The following CACNA2D4 variants were observed in gnomAD, a reference collection of about 807,000 sequenced individuals.
CACNA2D4 encodes voltage-dependent calcium channel subunit alpha-2/delta-4.
A neutral mutation model predicts 163.8 loss-of-function variants in CACNA2D4; 157 were observed. The observed-to-expected ratio is 0.96, with a 90% CI of 0.84 to 1.09. The LOEUF is 1.09. Ranked by LOEUF, CACNA2D4 falls within the 50% of genes least tolerant of loss-of-function variation. The pLI, the probability that CACNA2D4 is intolerant of heterozygous loss-of-function variation, is 0.00. For synonymous variants in CACNA2D4, 598 were observed against 586.9 expected, an observed-to-expected ratio of 1.02 and a Z score of -0.27; for missense variants, 1,410 against 1,479.9, an observed-to-expected ratio of 0.95 and a Z score of 0.78.
intron 4 of CACNA2D4, among the ~76,000 whole-genome samples, chr12:1,909,046 C>T (rs1866747255): frequency 6.6e-6 from 1 of 152,214 alleles, no homozygotes; most frequent in Non-Finnish European, 1.5e-5. Flanking sequence ...CTGAGAAAGG[C>T]TCAGGCTCCT....
chr12:1,907,234 A>G (rs1866681119), intron 6 of CACNA2D4, among the ~76,000 whole-genome samples: 1 of 152,192 alleles, frequency 6.6e-6, no homozygotes, highest in Admixed American at 6.5e-5. Context: ...GGTTTCATTC[A>G]TTCATTCATT....
At position 1,810,282 on chromosome 12, in the gene CACNA2D4, C is replaced by T. The variant is rs189066664; in HGVS notation, c.2717G>A (p.Arg906Gln). The change falls in exon 29 of 38, where the codon CGA becomes CAA. Residue 906 changes from arginine (R) to glutamine (Q), a missense_variant. Arg to Gln is a conservative substitution (Grantham distance 43). Transcript: ENST00000382722. ...TCTATATCCCCAGTGACTCACCTCT[C>T]GGGACCTCTTGGAGATCAGAATGAA... ...NGFILISKRS[R>Q]ETGRFLGEVD... The T allele has an allele frequency of 2.4e-5, 39 of 1,612,786 alleles. No homozygotes were observed. Among genetic ancestry groups the T allele is most frequent in the Admixed American group, 2.0e-4 (12 of 60,000 alleles).
chr12:1,868,415 C>A (rs1340872151), intron 18 of CACNA2D4, among the ~76,000 whole-genome samples: 1 of 151,676 alleles, frequency 6.6e-6, no homozygotes, highest in Non-Finnish European at 1.5e-5. Flanking sequence ...AAATGGAATA[C>A]ATAGAAACAG....
At chr12:1,915,817 T>C (rs1592755938) in intron 1 of CACNA2D4, among the ~76,000 whole-genome samples, 1 of 152,096 alleles carries the variant, frequency 6.6e-6, no homozygotes, top group African/African-American at 2.4e-5. Flanking sequence ...GGAGCGGAAG[T>C]GGTTTGCCTG....
rs767271468 is a variant in CACNA2D4 at position 1,831,318 on chromosome 12, G to C, written c.2551+9421C>G. 4 of 1,613,756 alleles carry C rather than the reference G, an allele frequency of 2.5e-6. No homozygotes were observed. In the South Asian group the frequency reaches 4.4e-5, roughly 18 times the overall value. ...CCGCCACCTGGACCTGTCCATCAAC[G>C]GCCTGGCCCAGTTGCCCCCTGGTCT... On this transcript the variant is annotated intron_variant, in intron 26 of 37. Transcript: ENST00000382722.
At chr12:1,851,377 G>A (rs938800897) in intron 23 of CACNA2D4, among the ~76,000 whole-genome samples, 13 of 152,206 alleles carry the variant, frequency 8.5e-5, no homozygotes, top group African/African-American at 2.9e-4. Flanking sequence ...GGTGTATGGT[G>A]TGAGAAAAGA....
Position 1,834,839 on chromosome 12 carries a change from C to T in CACNA2D4, c.2551+5900G>A, listed in dbSNP as rs1027183972. 131 of 1,432,438 alleles carry T rather than the reference C, an allele frequency of 9.1e-5. No homozygotes were observed. The highest frequency in any genetic ancestry group is 1.9e-4 in the Admixed American group (7 of 36,098). 88.7% of individuals were successfully genotyped at this position (1,432,438 alleles called of 1,614,324 possible). A position where few individuals can be genotyped will look rare whatever the true frequency, so the allele number is the denominator to read the frequency against. ...GCCTCCCCGAGTCCACCCTCCTCCC[C>T]GCCCTCCAGCAGACAAGCCACACCG... On this transcript the variant is annotated intron_variant, in intron 26 of 37. Coordinates refer to ENST00000382722, the MANE Select transcript of CACNA2D4 (RefSeq NM_172364.5). This position sits in a 1 kb window ranked among gnomAD's most constrained non-coding sequence, Gnocchi z 7.6.
At chr12:1,914,830 G>C (rs768929470) in intron 2 of CACNA2D4, 24 bp downstream of exon 2, 2 of 1,571,124 alleles carry the variant, frequency 1.3e-6, no homozygotes, top group Admixed American at 3.3e-5. Context: ...CACCCGGTGG[G>C]CTCTCTGGAA....
intron 29 of CACNA2D4, 65 bp from the exon 30 acceptor site, chr12:1,801,709 G>T: frequency 8.9e-7 from 1 of 1,127,500 alleles, no homozygotes; most frequent in Non-Finnish European, 1.3e-6. Context: ...AGCCTTCCGA[G>T]TCCAGCACTA....
intron 6 of CACNA2D4, among the ~76,000 whole-genome samples, chr12:1,889,015 G>A (rs1196918379): frequency 6.6e-6 from 1 of 152,246 alleles, no homozygotes; most frequent in Non-Finnish European, 1.5e-5. Context: ...TACAAAGGAA[G>A]AGCAGTTAAA....
At position 1,828,414 on chromosome 12, in the gene CACNA2D4, C is replaced by T. The variant is rs1440111674; in HGVS notation, c.2551+12325G>A. 6.6e-6 allele frequency among the ~76,000 whole-genome samples: 1 copy of T among 152,218 alleles called. No homozygotes were observed. Among genetic ancestry groups the T allele is most frequent in the East Asian group, 1.9e-4 (1 of 5,202 alleles). On this transcript the variant is annotated intron_variant, in intron 26 of 37. Transcript: ENST00000382722. This position sits in a 1 kb window ranked among gnomAD's most constrained non-coding sequence, Gnocchi z 4.2. ...ACAGCATCCCTGCCAGTCAGAGTCA[C>T]CGCTGAGTGCTGAGTGGTTAGACCT...
Position 1,907,445 on chromosome 12 carries a change from T to G in CACNA2D4, c.776A>C (p.Tyr259Ser), listed in dbSNP as rs1469786825. The change falls in exon 6 of 38, where the codon TAT (tyrosine) becomes TCT (serine). Residue 259 changes from tyrosine to serine, a missense_variant. Transcript: ENST00000382722. ...ATGCAACTCCATGTCCTTACCTGGA[T>G]AGATCCTGAAGAATCCAGTTGCACT... Reference protein sequence around the residue: ...FGSATGFFRIYPGIKWTPDEN... With the variant: ...FGSATGFFRISPGIKWTPDEN... 6.2e-7 allele frequency: 1 copy of G among 1,613,866 alleles called. No individual in the cohort carries two copies. Among genetic ancestry groups the G allele is most frequent in the Non-Finnish European group, 8.5e-7 (1 of 1,179,806 alleles).
intron 23 of CACNA2D4, among the ~76,000 whole-genome samples, chr12:1,853,159 G>A (rs1036363178): frequency 2.0e-5 from 3 of 152,134 alleles, no homozygotes; most frequent in Non-Finnish European, 2.9e-5. Flanking sequence ...TGTTTCCTGA[G>A]TAGCCTTGCG....
At chr12:1,812,668 T>C (rs906906864) in intron 26 of CACNA2D4, among the ~76,000 whole-genome samples, 3 of 152,170 alleles carry the variant, frequency 2.0e-5, no homozygotes, top group Non-Finnish European at 2.9e-5. Context: ...GCTGAAGAAA[T>C]GGAGACTTTT....
intron 18 of CACNA2D4, among the ~76,000 whole-genome samples, chr12:1,861,446 CTTTT>C (rs35442066): frequency 7.2e-6 from 1 of 139,044 alleles, no homozygotes; most frequent in Admixed American, 7.0e-5. Flanking sequence ...TATTTTTACT[CTTTT>C]TTTTTTTTTG....
chr12:1,914,349 C>T (rs982310553), intron 2 of CACNA2D4, among the ~76,000 whole-genome samples: 1 of 152,170 alleles, frequency 6.6e-6, no homozygotes, highest in African/African-American at 2.4e-5. Context: ...AGCCATAAAT[C>T]GGCACAGAAA....
chr12:1,811,164 A>C (rs765126058), intron 27 of CACNA2D4, among the ~76,000 whole-genome samples: 1 of 152,102 alleles, frequency 6.6e-6, no homozygotes, highest in East Asian at 1.9e-4. Context: ...GCGTTGCAGG[A>C]GATTGAGGCT....
chr12:1,870,599 G>A (rs935708346), intron 18 of CACNA2D4, among the ~76,000 whole-genome samples: 1 of 151,904 alleles, frequency 6.6e-6, no homozygotes, highest in Admixed American at 6.6e-5. Context: ...GCTTTTGGTC[G>A]CTTTCAAGTG....
Position 1,795,796 on chromosome 12 carries a change from G to A in CACNA2D4, c.3114-16C>T. The A allele has an allele frequency of 1.3e-6, 2 of 1,538,084 alleles. No homozygotes were observed. Among genetic ancestry groups the A allele is most frequent in the Non-Finnish European group, 9.0e-7 (1 of 1,110,714 alleles). On this transcript the variant is annotated splice_polypyrimidine_tract_variant and intron_variant, in intron 35 of 37. Transcript: ENST00000382722. ...CACAAATACCCTGCAGCAAAGAAAG[G>A]GAGTCGAGGATGGCTCCGTGGCGAC...
Sources: gnomAD v4.1 joint callset for allele counts (sites outside exome capture counted in the v4.1 genomes callset) on GRCh38, gnomAD v4.1.1 for gene constraint, Gnocchi (gnomAD v3.1) non-coding constraint, MANE v1.5 for transcripts, NCBI Gene and HGNC (gene_info 2026-07-23, HGNC 2026-07-21) for gene names.